The following TSPAN9 variants were observed in gnomAD, a reference collection of about 807,000 sequenced individuals.
TSPAN9 encodes the protein tetraspanin-9.
A neutral mutation model predicts 31.0 loss-of-function variants in TSPAN9; 16 were observed. The ratio of observed to expected loss-of-function variants is 0.52; its 90% CI spans 0.35 to 0.78. The LOEUF (loss-of-function observed/expected upper bound fraction) is 0.78. Ranked by LOEUF, TSPAN9 falls within the 30% of genes least tolerant of loss-of-function variation. The pLI is 0.01. For missense variants in TSPAN9, 272 were observed against 312.5 expected, an observed-to-expected ratio of 0.87 and a Z score of 0.98; for synonymous variants, 145 against 121.6, an observed-to-expected ratio of 1.19 and a Z score of -1.27.
At position 3,221,665 on chromosome 12, in the gene TSPAN9, A is replaced by AT. The variant is rs34589481; in HGVS notation, c.63+20417dup. Among the ~76,000 whole-genome samples the AT allele has an allele frequency of 3.0e-4, 45 of 147,870 alleles. 1 individual carries two copies. The highest frequency in any genetic ancestry group is 3.0e-3 in the Admixed American group (45 of 14,982). Reference sequence around the variant, plus strand: ...TGAGCCACCGTGCTCAGCCTAACAAATTTTTTTTGAGATAGGGTCTCACTC... The same window carrying AT: ...TGAGCCACCGTGCTCAGCCTAACAAATTTTTTTTTGAGATAGGGTCTCACTC... On this transcript the variant is annotated intron_variant, in intron 3 of 8. Transcript: ENST00000011898.
intron 3 of TSPAN9, among the ~76,000 whole-genome samples, chr12:3,240,424 G>A (rs1042572135): frequency 6.6e-6 from 1 of 152,168 alleles, no homozygotes; most frequent in African/African-American, 2.4e-5. Context: ...TGCTTGCTAC[G>A]GGTGGGACAT....
intron 2 of TSPAN9, among the ~76,000 whole-genome samples, chr12:3,191,514 A>C (rs1444200319): frequency 6.6e-6 from 1 of 152,122 alleles, no homozygotes; most frequent in Non-Finnish European, 1.5e-5. Flanking sequence ...TAGTTGAGGA[A>C]CCAGAGGTTG....
chr12:3,114,614 G>T (rs575437490), intron 2 of TSPAN9, among the ~76,000 whole-genome samples: 5 of 152,040 alleles, frequency 3.3e-5, no homozygotes, highest in African/African-American at 1.2e-4. Context: ...AGGCTGAGGC[G>T]GGTGGATCAC....
chr12:3,078,098 T>C (rs529108563), intron 1 of TSPAN9, among the ~76,000 whole-genome samples: 4 of 152,374 alleles, frequency 2.6e-5, no homozygotes, highest in Admixed American at 2.0e-4. Context: ...AACTGGAGTC[T>C]TGGATCTCCT....
chr12:3,281,587 C>A, intron 7 of TSPAN9, 147 bp from the exon 8 acceptor site: 1 of 1,100,572 alleles, frequency 9.1e-7, no homozygotes, highest in Non-Finnish European at 1.3e-6. Context: ...GCGGAGGCTG[C>A]GCCAAGGGAT....
intron 3 of TSPAN9, among the ~76,000 whole-genome samples, chr12:3,248,196 T>C (rs149639382): frequency 1.3e-5 from 2 of 152,310 alleles, no homozygotes; most frequent in East Asian, 3.9e-4. Flanking sequence ...CCCTAGGTAC[T>C]TTCCAGACTT....
At chr12:3,176,150 C>G in intron 2 of TSPAN9, among the ~76,000 whole-genome samples, 1 of 152,210 alleles carries the variant, frequency 6.6e-6, no homozygotes, top group East Asian at 1.9e-4. Context: ...AGGGACGGTG[C>G]TAGGTTCTGG....
chr12:3,196,132 G>A (rs2098366949), intron 2 of TSPAN9, among the ~76,000 whole-genome samples: 1 of 152,228 alleles, frequency 6.6e-6, no homozygotes, highest in South Asian at 2.1e-4. Context: ...AATGGATGGT[G>A]TGCTCATGGT....
At chr12:3,190,985 C>A (rs1294534839) in intron 2 of TSPAN9, among the ~76,000 whole-genome samples, 4 of 152,144 alleles carry the variant, frequency 2.6e-5, no homozygotes, top group Non-Finnish European at 5.9e-5. Flanking sequence ...GGCATCATGG[C>A]AGGATTAACT....
intron 2 of TSPAN9, among the ~76,000 whole-genome samples, chr12:3,118,071 CT>C (rs10709178): frequency 0.32 from 48,229 of 151,546 alleles, 7,906 homozygotes; most frequent in Middle Eastern, 0.45. Flanking sequence ...ATTTAAGACT[CT>C]TTTTCTCGCC....
intron 2 of TSPAN9, among the ~76,000 whole-genome samples, chr12:3,174,708 G>T (rs369367338): frequency 2.0e-5 from 3 of 150,756 alleles, no homozygotes; most frequent in African/African-American, 4.8e-5. Context: ...TCAGCCTCCC[G>T]AGTAGCTGGG....
chr12:3,127,207 C>A (rs954558562), intron 2 of TSPAN9, among the ~76,000 whole-genome samples: 2 of 151,954 alleles, frequency 1.3e-5, no homozygotes, highest in Non-Finnish European at 2.9e-5. Context: ...TGGAGACCAG[C>A]CTGGGCAACA....
intron 2 of TSPAN9, among the ~76,000 whole-genome samples, chr12:3,190,472 A>G (rs2098363769): frequency 6.6e-6 from 1 of 152,178 alleles, no homozygotes; most frequent in Non-Finnish European, 1.5e-5. Flanking sequence ...GCATATGTGT[A>G]TGGGCAGGTA....
intron 2 of TSPAN9, among the ~76,000 whole-genome samples, chr12:3,198,953 TC>T (rs1159374408): frequency 1.3e-5 from 2 of 152,216 alleles, no homozygotes; most frequent in Non-Finnish European, 2.9e-5. Context: ...GGAATTCATG[TC>T]CCCCTCCCAC....
intron 2 of TSPAN9, among the ~76,000 whole-genome samples, chr12:3,090,448 A>G (rs1284955176): frequency 6.8e-6 from 1 of 146,638 alleles, no homozygotes; most frequent in Non-Finnish European, 1.5e-5. Flanking sequence ...AAGCTTCATC[A>G]TATATCCGGT....
At chr12:3,094,845 ATC>A (rs1315559283) in intron 2 of TSPAN9, among the ~76,000 whole-genome samples, 1 of 111,052 alleles carries the variant, frequency 9.0e-6, no homozygotes, top group Non-Finnish European at 2.0e-5. Context: ...AAAATCAATA[ATC>A]TTTTTTTTTT....
chr12:3,157,599 A>G (rs2098342922), intron 2 of TSPAN9, among the ~76,000 whole-genome samples: 1 of 152,348 alleles, frequency 6.6e-6, no homozygotes, highest in South Asian at 2.1e-4. Context: ...TATAGTAGAC[A>G]TTGAATAGTG....
intron 2 of TSPAN9, among the ~76,000 whole-genome samples, chr12:3,145,640 C>T (rs973885279): frequency 1.3e-5 from 2 of 152,154 alleles, no homozygotes; most frequent in Non-Finnish European, 1.5e-5. Context: ...ACCAGGTGTC[C>T]AGAGCTTCCC....
intron 3 of TSPAN9, among the ~76,000 whole-genome samples, chr12:3,236,758 A>T (rs1332718411): frequency 6.6e-6 from 1 of 152,164 alleles, no homozygotes; most frequent in Non-Finnish European, 1.5e-5. Context: ...TAGCAGGCTC[A>T]TGACTCTTCT....
Sources: allele counts gnomAD v4.1 joint callset (sites outside exome capture counted in the v4.1 genomes callset), GRCh38; gene constraint gnomAD v4.1.1; transcripts MANE v1.5; gene names NCBI Gene and HGNC (gene_info 2026-07-23, HGNC 2026-07-21).